The following CDH4 variants were observed in gnomAD, a reference collection of about 807,000 sequenced individuals.
CDH4 encodes the protein cadherin 4, also known as cadherin-4.
A neutral mutation model predicts 86.0 loss-of-function variants in CDH4; 33 were observed. That is an observed-to-expected ratio of 0.38 (90% CI 0.29 to 0.51). The LOEUF (loss-of-function observed/expected upper bound fraction) is 0.51, where lower values mean the gene tolerates loss of function less well. Ranked by LOEUF, CDH4 falls within the 20% of genes least tolerant of loss-of-function variation. CDH4 has a pLI of 0.86. For missense variants in CDH4, 1,114 were observed against 1,307.4 expected (o/e 0.85, Z 2.28); for synonymous variants, 555 against 549.4 (o/e 1.01, Z -0.14).
chr20:61,537,278 G>A (rs534214685), intron 2 of CDH4, among the ~76,000 whole-genome samples: 5 of 123,024 alleles, frequency 4.1e-5, no homozygotes, highest in Non-Finnish European at 6.0e-5. Flanking sequence ...TTTGAAATCC[G>A]ACATTTTACT....
intron 7 of CDH4, among the ~76,000 whole-genome samples, chr20:61,892,247 G>A (rs1281725488): frequency 1.3e-5 from 2 of 152,206 alleles, no homozygotes; most frequent in African/African-American, 2.4e-5. Flanking sequence ...GACACCTTAT[G>A]GAGCACCCAG....
At chr20:61,855,851 C>T (rs1330576504) in intron 6 of CDH4, among the ~76,000 whole-genome samples, 2 of 152,188 alleles carry the variant, frequency 1.3e-5, no homozygotes, top group African/African-American at 4.8e-5. Flanking sequence ...TGAGCTTTTC[C>T]AGGACTATGT....
intron 2 of CDH4, among the ~76,000 whole-genome samples, chr20:61,258,253 C>T (rs2084109763): frequency 7.4e-6 from 1 of 134,808 alleles, no homozygotes; most frequent in Admixed American, 8.9e-5. Context: ...TGGCATGAAA[C>T]CAGGAGGCGG....
At chr20:61,485,031 T>G (rs1180813455) in intron 2 of CDH4, among the ~76,000 whole-genome samples, 1 of 152,196 alleles carries the variant, frequency 6.6e-6, no homozygotes, top group Non-Finnish European at 1.5e-5. Context: ...GGCTGCCTGG[T>G]AAGAAATAAG....
intron 2 of CDH4, among the ~76,000 whole-genome samples, chr20:61,467,101 G>A (rs1424425637): frequency 6.6e-6 from 1 of 152,084 alleles, no homozygotes; most frequent in Admixed American, 6.6e-5. Flanking sequence ...GTTAGTTCCT[G>A]TAAACTACTG....
At chr20:61,268,299 G>A (rs888149752) in intron 2 of CDH4, among the ~76,000 whole-genome samples, 14 of 152,226 alleles carry the variant, frequency 9.2e-5, no homozygotes, top group Admixed American at 5.2e-4. Flanking sequence ...CTCTGGCTGC[G>A]CTTGACCTTG....
chr20:61,312,176 GTTTGTGATGTGTGCAT>G (rs1209819025), intron 2 of CDH4, among the ~76,000 whole-genome samples: 1 of 148,894 alleles, frequency 6.7e-6, no homozygotes, highest in Admixed American at 6.7e-5. Context: ...CGTGTGGGAT[GTTTGTGATGTGTGCAT>G]TTTGTGATGT....
chr20:61,731,430 G>A (rs1057096585), intron 2 of CDH4, among the ~76,000 whole-genome samples: 3 of 152,136 alleles, frequency 2.0e-5, no homozygotes, highest in East Asian at 1.9e-4. Flanking sequence ...TGCTCAGTCA[G>A]GATGATCTCT....
At chr20:61,657,472 A>T (rs1394373996) in intron 2 of CDH4, among the ~76,000 whole-genome samples, 1 of 152,240 alleles carries the variant, frequency 6.6e-6, no homozygotes, top group Non-Finnish European at 1.5e-5. Flanking sequence ...TTAACCTATT[A>T]GTCTTCTGCC....
intron 2 of CDH4, among the ~76,000 whole-genome samples, chr20:61,702,218 C>T (rs2087784446): frequency 6.6e-6 from 1 of 152,238 alleles, no homozygotes; most frequent in Non-Finnish European, 1.5e-5. Context: ...AGCTGGCCGC[C>T]TCATAGGACC....
In CDH4 at chr20:61,870,951, G is replaced by C. The variant is rs2146144624; in HGVS notation, c.878-2777G>C. ...AGCTTTAAAACCCTCACGAGGCAAA[G>C]TTATTTTTGTTTATACAAGTCATAT... On this transcript the variant is annotated intron_variant, in intron 6 of 15. Transcript: ENST00000614565. Among the ~76,000 whole-genome samples the C allele has an allele frequency of 2.6e-5, 4 of 152,178 alleles. No individual in the cohort carries two copies. The South Asian group carries it at 8.3e-4, about 32-fold the overall frequency.
rs1983896653 is a variant in CDH4, at chr20:61,873,665, G to T, written c.878-63G>T. ...TGTGGTCGGGGGGCTCTGCCCAGGT[G>T]TGTGCGGGGGTGGCAGCCTGTGTGG... On this transcript the variant is annotated intron_variant, in intron 6 of 15. Coordinates refer to ENST00000614565, the MANE Select transcript of CDH4 (RefSeq NM_001794.5). 17 of 1,548,294 alleles carry T rather than the reference G, an allele frequency of 1.1e-5. No homozygotes were observed. The Admixed American group carries it at 2.9e-4, about 27-fold the overall frequency.
At chr20:61,412,853 G>C (rs2085126398) in intron 2 of CDH4, among the ~76,000 whole-genome samples, 1 of 152,214 alleles carries the variant, frequency 6.6e-6, no homozygotes, top group African/African-American at 2.4e-5. Context: ...AGGAGGGGCA[G>C]AGTCAGCCCC....
chr20:61,602,695 A>C (rs1253893642), intron 2 of CDH4, among the ~76,000 whole-genome samples: 1 of 9,686 alleles, frequency 1.0e-4, no homozygotes, highest in Non-Finnish European at 2.2e-4. Flanking sequence ...TCACTTTATT[A>C]AAAAAAAAAA....
At chr20:61,833,602 C>G (rs181336917) in intron 4 of CDH4, among the ~76,000 whole-genome samples, 63 of 121,856 alleles carry the variant, frequency 5.2e-4, no homozygotes, top group Non-Finnish European at 6.1e-4. Flanking sequence ...AGTATTCAAC[C>G]CACATTACTA....
chr20:61,487,649 A>C (rs1350397048), intron 2 of CDH4, among the ~76,000 whole-genome samples: 1 of 152,186 alleles, frequency 6.6e-6, no homozygotes, highest in African/African-American at 2.4e-5. Context: ...GCAATCTGAC[A>C]AGACAACCCT....
At chr20:61,548,538 G>A (rs2086105317) in intron 2 of CDH4, among the ~76,000 whole-genome samples, 1 of 151,770 alleles carries the variant, frequency 6.6e-6, no homozygotes, top group African/African-American at 2.4e-5. Context: ...CAGAATTCTT[G>A]GGGCAAGATT....
In CDH4 at chr20:61,810,292, C is replaced by T. The variant is rs1384022649; in HGVS notation, c.577-34376C>T. 1.3e-5 allele frequency among the ~76,000 whole-genome samples: 2 copies of T among 152,352 alleles called. No individual in the cohort carries two copies. The highest frequency in any genetic ancestry group is 4.8e-5 in the African/African-American group (2 of 41,586). On this transcript the variant is annotated intron_variant, in intron 4 of 15. Transcript: ENST00000614565. The surrounding 1 kb of genome is among the most constrained non-coding windows in gnomAD (Gnocchi z 4.3). ...GGCCACATGTGGCTATCCACCGGGC[C>T]AGTCGGGGCGGCTGTGCCAGGCTGT...
chr20:61,462,178 G>A (rs536767932), intron 2 of CDH4, among the ~76,000 whole-genome samples: 20 of 152,314 alleles, frequency 1.3e-4, no homozygotes, highest in African/African-American at 4.8e-4. Context: ...TATTTGAACC[G>A]CCATCTCCCA....
Sources: allele counts gnomAD v4.1 joint callset (sites outside exome capture counted in the v4.1 genomes callset), GRCh38; gene constraint gnomAD v4.1.1; non-coding constraint Gnocchi (gnomAD v3.1); transcripts MANE v1.5; gene names NCBI Gene and HGNC (gene_info 2026-07-23, HGNC 2026-07-21).